The following TXLNG variants were observed in gnomAD, a reference collection of about 807,000 sequenced individuals.
TXLNG encodes the protein taxilin gamma, also known as gamma-taxilin.
In TXLNG, 5 loss-of-function variants were observed where a neutral mutation model predicts 38.8. That is an observed-to-expected ratio of 0.13 (90% CI 0.07 to 0.27). The LOEUF is 0.27. Ranked by LOEUF, TXLNG falls within the 10% of genes least tolerant of loss-of-function variation. The pLI is 1.00. For synonymous variants in TXLNG, 182 were observed against 158.2 expected, an observed-to-expected ratio of 1.15 and a Z score of -1.13; for missense variants, 393 against 398.2, an observed-to-expected ratio of 0.99 and a Z score of 0.11.
rs777344549 is a variant in TXLNG, at chrX:16,844,192, C to T, written c.*2426C>T. 4 of 111,645 alleles carry T rather than the reference C, an allele frequency of 3.6e-5. No individual in the cohort carries two copies. The highest frequency in any genetic ancestry group is 7.5e-5 in the Non-Finnish European group (4 of 53,191). 9.2% of individuals were successfully genotyped at this position (111,645 alleles called of 1,213,427 possible). A position where few individuals can be genotyped will look rare whatever the true frequency, so the allele number is the denominator to read the frequency against. On this transcript the variant is annotated 3_prime_UTR_variant, in exon 10 of 10. Coordinates refer to ENST00000380122, the MANE Select transcript of TXLNG (RefSeq NM_018360.3). ...ACTTGTTAGGAGTACATTTCTTGGTCTTGAGACCAGTATTTTTCAGTTATG... is the reference window on the plus strand; with the variant it reads ...ACTTGTTAGGAGTACATTTCTTGGTTTTGAGACCAGTATTTTTCAGTTATG...
At chrX:16,789,747 A>G (rs1927634328) in intron 1 of TXLNG, among the ~76,000 whole-genome samples, 1 of 108,413 alleles carries the variant, frequency 9.2e-6, no homozygotes, top group Non-Finnish European at 1.9e-5. Context: ...AAAATTGAGT[A>G]GAAAGTACAG....
chrX:16,839,767 G>C, intron 8 of TXLNG, 54 bp from the exon 9 acceptor site: 3 of 906,961 alleles, frequency 3.3e-6, no homozygotes, highest in Non-Finnish European at 4.7e-6. Flanking sequence ...ACTGGGACAG[G>C]GAGTAGAGAT....
At chrX:16,819,045 G>A (rs752284100) in intron 2 of TXLNG, among the ~76,000 whole-genome samples, 168 bp downstream of exon 2, 8 of 110,374 alleles carry the variant, frequency 7.2e-5, no homozygotes, top group Non-Finnish European at 1.5e-4. Flanking sequence ...TGCAGGAGGC[G>A]AAAACAGCAG....
chrX:16,800,800 A>G (rs978887952), intron 1 of TXLNG, among the ~76,000 whole-genome samples: 23 of 111,204 alleles, frequency 2.1e-4, no homozygotes, highest in African/African-American at 4.6e-4. Flanking sequence ...GGCTTCAGCA[A>G]CCTCAGACCT....
intron 1 of TXLNG, among the ~76,000 whole-genome samples, chrX:16,802,963 G>A (rs1460847233): frequency 3.7e-5 from 4 of 109,028 alleles, no homozygotes; most frequent in Non-Finnish European, 7.6e-5. Context: ...GGGATTACAG[G>A]TACCTGCCAC....
At chrX:16,795,961 C>T (rs952433338) in intron 1 of TXLNG, among the ~76,000 whole-genome samples, 7 of 108,542 alleles carry the variant, frequency 6.4e-5, no homozygotes, top group Non-Finnish European at 1.1e-4. Flanking sequence ...TACAGGTATG[C>T]GCCACCGTGC....
chrX:16,834,135 T>C (rs2147496714), intron 6 of TXLNG, 148 bp from the exon 7 acceptor site: 1 of 426,630 alleles, frequency 2.3e-6, no homozygotes, highest in East Asian at 3.9e-5. Flanking sequence ...AAGATACAGG[T>C]AAATGGCAAT....
At chrX:16,824,520 G>A (rs1247841024) in intron 3 of TXLNG, among the ~76,000 whole-genome samples, 4 of 111,095 alleles carry the variant, frequency 3.6e-5, no homozygotes, top group African/African-American at 6.5e-5. Flanking sequence ...CTTGAGTTTA[G>A]GAAATATTTC....
intron 3 of TXLNG, among the ~76,000 whole-genome samples, chrX:16,823,690 T>G (rs756529529): frequency 1.8e-5 from 2 of 111,030 alleles, no homozygotes; most frequent in African/African-American, 3.3e-5. Context: ...ACTGGGATTG[T>G]CCATTGGAGA....
chrX:16,793,098 C>CA lies in TXLNG; in HGVS notation c.102+6523dup, dbSNP rs995516017. On this transcript the variant is annotated intron_variant, in intron 1 of 9. Coordinates refer to ENST00000380122, the MANE Select transcript of TXLNG (RefSeq NM_018360.3). ...GGTGACATAGAGGGAGACTCCGTGT[C>CA]AAAAAAAAAAAAAAGTATACAATAA... Among the ~76,000 whole-genome samples, 186 of 83,347 alleles carry CA rather than the reference C, an allele frequency of 2.2e-3. 1 individual carries two copies. Among genetic ancestry groups the CA allele is most frequent in the African/African-American group, 6.3e-3 (141 of 22,468 alleles). The allele number at this position is 83,347 out of a possible 115,157, so 72.4% of individuals were successfully genotyped here.
chrX:16,837,628 G>C lies in TXLNG; in HGVS notation c.1095G>C (p.Gln365His). 8.3e-7 allele frequency: 1 copy of C among 1,207,115 alleles called. No homozygotes were observed. Among genetic ancestry groups the C allele is most frequent in the Non-Finnish European group, 1.1e-6 (1 of 893,079 alleles). The change falls in exon 8 of 10, where the codon CAG (glutamine) becomes CAC (histidine). Residue 365 changes from glutamine to histidine, a missense_variant. Gln to His is a conservative substitution (Grantham distance 24). Coordinates refer to ENST00000380122, the MANE Select transcript of TXLNG (RefSeq NM_018360.3). ...SLYMDKFEEF[Q>H]TTMAKSNELF... Reference sequence around the variant, plus strand: ...ATATGGATAAGTTTGAAGAATTCCAGACTACCATGGCAAAAAGCAATGAAC... The same window carrying C: ...ATATGGATAAGTTTGAAGAATTCCACACTACCATGGCAAAAAGCAATGAAC...
intron 6 of TXLNG, 87 bp from the exon 7 acceptor site, chrX:16,834,193 TAGA>T (rs1929510648): frequency 2.6e-6 from 2 of 760,626 alleles, no homozygotes; most frequent in Non-Finnish European, 3.9e-6. Context: ...CTTGCTAAAA[TAGA>T]AGGATGAAGC....
At chrX:16,831,525 G>A (rs1929412554) in intron 5 of TXLNG, among the ~76,000 whole-genome samples, 1 of 112,694 alleles carries the variant, frequency 8.9e-6, no homozygotes, top group Non-Finnish European at 1.9e-5. Flanking sequence ...TATAACGCCA[G>A]TCTCTAAAAT....
At position 16,844,131 on chromosome X, in the gene TXLNG, T is replaced by G. The variant is rs1263855308; in HGVS notation, c.*2365T>G. On this transcript the variant is annotated 3_prime_UTR_variant, in exon 10 of 10. Transcript: ENST00000380122. ...GTGGACTCCAAGGTGTAGAGAAAAC[T>G]TGGGTCTTGGGTAATATGGACCATT... 8.9e-6 allele frequency: 1 copy of G among 112,098 alleles called. No individual in the cohort carries two copies. The highest frequency in any genetic ancestry group is 9.5e-5 in the Admixed American group (1 of 10,567). 9.2% of individuals were successfully genotyped at this position (112,098 alleles called of 1,213,427 possible). A position where few individuals can be genotyped will look rare whatever the true frequency, so the allele number is the denominator to read the frequency against.
intron 1 of TXLNG, among the ~76,000 whole-genome samples, chrX:16,794,419 G>A (rs1927806820): frequency 9.0e-6 from 1 of 111,501 alleles, no homozygotes. Context: ...CTAGGCCCTA[G>A]GTTAACCTTG....
chrX:16,788,478 G>A (rs766143651), intron 1 of TXLNG, among the ~76,000 whole-genome samples: 1 of 111,024 alleles, frequency 9.0e-6, no homozygotes, highest in Admixed American at 9.7e-5. Context: ...CAAATACATG[G>A]TAAAATATTA....
chrX:16,819,525 C>T (rs779603516), intron 2 of TXLNG, among the ~76,000 whole-genome samples: 5 of 111,373 alleles, frequency 4.5e-5, no homozygotes, highest in Admixed American at 9.6e-5. Flanking sequence ...CCCCTTACTT[C>T]GAAATGCCAT....
chrX:16,808,684 G>T (rs144200246), intron 1 of TXLNG, among the ~76,000 whole-genome samples: 2 of 111,168 alleles, frequency 1.8e-5, no homozygotes, highest in South Asian at 7.6e-4. Context: ...CCTTATTAAC[G>T]TGTCCTTACC....
intron 1 of TXLNG, among the ~76,000 whole-genome samples, chrX:16,790,892 G>A (rs1927677504): frequency 8.9e-6 from 1 of 111,956 alleles, no homozygotes; most frequent in Non-Finnish European, 1.9e-5. Flanking sequence ...CTACAGTAAT[G>A]AGTAGTGTAG....
Sources: allele counts gnomAD v4.1 joint callset (sites outside exome capture counted in the v4.1 genomes callset), GRCh38; gene constraint gnomAD v4.1.1; transcripts MANE v1.5; gene names NCBI Gene and HGNC (gene_info 2026-07-23, HGNC 2026-07-21).